The following PADI1 variants were observed in gnomAD, a reference collection of about 807,000 sequenced individuals.
PADI1 encodes protein-arginine deiminase type-1.
PADI1 carries 65 observed loss-of-function variants against 74.8 expected under a neutral mutation model. The observed-to-expected ratio is 0.87, with a 90% CI of 0.71 to 1.07. PADI1 has a LOEUF of 1.07. PADI1 is among the 50% of genes least tolerant of loss of function. The pLI, the probability that PADI1 is intolerant of heterozygous loss-of-function variation, is 0.00. For missense variants in PADI1, 943 were observed against 854.0 expected (o/e 1.10, Z -1.30); for synonymous variants, 371 against 336.2 (o/e 1.10, Z -1.13).
At chr1:17,239,830 AG>A (rs752721622) in intron 14 of PADI1, 47 bp downstream of exon 14, 1 of 1,448,292 alleles carries the variant, frequency 6.9e-7, no homozygotes, top group Non-Finnish European at 9.6e-7. Context: ...TTTCCCTTCC[AG>A]GGAGAAGAAG....
chr1:17,221,229 C>T (rs560059089), intron 1 of PADI1, among the ~76,000 whole-genome samples: 18 of 152,276 alleles, frequency 1.2e-4, no homozygotes, highest in African/African-American at 3.9e-4. Context: ...TTCATTCACA[C>T]GTGTTTATTG....
At chr1:17,237,268 G>C in intron 11 of PADI1, 46 bp from the exon 12 acceptor site, 1 of 1,551,584 alleles carries the variant, frequency 6.4e-7, no homozygotes, top group South Asian at 1.2e-5. Flanking sequence ...AAGGCCTGAT[G>C]CCTCTCAGGC....
intron 12 of PADI1, 58 bp downstream of exon 12, chr1:17,237,516 G>A: frequency 6.7e-7 from 1 of 1,501,906 alleles, no homozygotes; most frequent in Non-Finnish European, 9.0e-7. Flanking sequence ...CTGATGGGAT[G>A]AGTCAGGGCA....
At position 17,240,725 on chromosome 1, in the gene PADI1, A is replaced by G; in HGVS notation, c.1723A>G (p.Lys575Glu). ...IVDIPQLFFL[K>E]NFYAEAFFPD... is the part of the protein sequence containing the mutation. ...GGACATTCCCCAGCTCTTCTTCCTG[A>G]AAAACTTCTACGCGGAAGCCTTCTT... is the stretch of plus-strand genomic sequence containing the variant. Residue 575 changes from lysine to glutamate, a missense_variant, in exon 15 of 16, where the codon AAA becomes GAA. By Grantham distance (56) the Lys-to-Glu change is moderately conservative. Transcript: ENST00000375471. The G allele has an allele frequency of 6.2e-7, 1 of 1,614,088 alleles. No homozygotes were observed. Among genetic ancestry groups the G allele is most frequent in the Non-Finnish European group, 8.5e-7 (1 of 1,179,944 alleles).
At chr1:17,241,391 GA>G (rs2072773716) in intron 15 of PADI1, among the ~76,000 whole-genome samples, 1 of 152,282 alleles carries the variant, frequency 6.6e-6, no homozygotes, top group Non-Finnish European at 1.5e-5. Flanking sequence ...CCGGGATGGG[GA>G]TAGACCCTCT....
rs144156500 is a variant in PADI1 at position 17,224,401 on chromosome 1, C to A, written c.381C>A (p.Gly127=). The A allele has an allele frequency of 2.5e-6, 4 of 1,613,982 alleles. No homozygotes were observed. The South Asian group carries it at 4.4e-5, about 18-fold the overall frequency. ...ISLEVDTGRT[G]KVKRSQGDKK... ...TTGAGGTTGACACAGGCCGCACAGGCAAGGTGAAGAGGAGCCAAGGGGACA... is the reference window on the plus strand; with the variant it reads ...TTGAGGTTGACACAGGCCGCACAGGAAAGGTGAAGAGGAGCCAAGGGGACA... Residue 127 remains glycine, a synonymous_variant, in exon 4 of 16, where the codon GGC becomes GGA. Transcript: ENST00000375471.
At chr1:17,219,132 G>T (rs78942471) in intron 1 of PADI1, among the ~76,000 whole-genome samples, 15 of 152,220 alleles carry the variant, frequency 9.9e-5, no homozygotes, top group Admixed American at 3.3e-4. Context: ...AGGTGCAGAG[G>T]GGGTGGAGAG....
chr1:17,240,174 G>A (rs1557484779), intron 14 of PADI1: 1 of 258,564 alleles, frequency 3.9e-6, no homozygotes, highest in African/African-American at 2.2e-5. Context: ...GTGAAGCAAG[G>A]TGTCAGGAAG....
chr1:17,233,956 G>A (rs1418753564), intron 11 of PADI1, among the ~76,000 whole-genome samples: 3 of 152,228 alleles, frequency 2.0e-5, no homozygotes, highest in Non-Finnish European at 4.4e-5. Context: ...CACCCTGTTG[G>A]TGACTCATGC....
Position 17,224,486 on chromosome 1 carries a change from C to T in PADI1, c.408+58C>T, listed in dbSNP as rs142867636. 9.8e-6 allele frequency: 13 copies of T among 1,326,464 alleles called. No homozygotes were observed. The East Asian group carries it at 1.2e-4, about 12-fold the overall frequency. The allele number at this position is 1,326,464 out of a possible 1,614,324, so 82.2% of individuals were successfully genotyped here. On this transcript the variant is annotated intron_variant, in intron 4 of 15. Transcript: ENST00000375471. Reference sequence around the variant, plus strand: ...GGTTGAAAGGCAAACTTGGGGTGGTCCCGGGTGGATTGTGCCCTCCCTCCA... The same window carrying T: ...GGTTGAAAGGCAAACTTGGGGTGGTTCCGGGTGGATTGTGCCCTCCCTCCA...
At chr1:17,205,380 T>A in intron 1 of PADI1, 71 bp downstream of exon 1, 2 of 1,217,594 alleles carry the variant, frequency 1.6e-6, no homozygotes, top group South Asian at 1.2e-5. Context: ...GGTGGGTGCC[T>A]GGTAGACAAG....
intron 6 of PADI1, among the ~76,000 whole-genome samples, chr1:17,226,558 CCGGGCCCTG>C (rs1399515085): frequency 2.0e-5 from 3 of 152,150 alleles, no homozygotes; most frequent in African/African-American, 7.2e-5. Context: ...AGGCTGAGGC[CCGGGCCCTG>C]CCTCTGGCCC....
chr1:17,216,214 G>A (rs954789350), intron 1 of PADI1, among the ~76,000 whole-genome samples: 11 of 152,284 alleles, frequency 7.2e-5, no homozygotes, highest in African/African-American at 2.6e-4. Flanking sequence ...GATGCAACGG[G>A]ACTTCTATTT....
Position 17,228,739 on chromosome 1 carries a change from TC to T in PADI1, c.771del (p.Asp258MetfsTer5), listed in dbSNP as rs1243250804. 6.2e-7 allele frequency: 1 copy of T among 1,614,044 alleles called. No individual in the cohort carries two copies. The highest frequency in any genetic ancestry group is 8.5e-7 in the Non-Finnish European group (1 of 1,180,030). On this transcript the variant is annotated frameshift_variant, in exon 7 of 16. Transcript: ENST00000375471. LOFTEE classifies it high-confidence loss of function. ...AAGTTCTATGTGGAGGGGCTGACCTTCCCCGATGCCGATTTCCTAGGGCTGG... is the reference window on the plus strand; with the variant it reads ...AAGTTCTATGTGGAGGGGCTGACCTTCCCGATGCCGATTTCCTAGGGCTGG... ...EIKFYVEGLT[F>X]PDADFLGLVS... is the part of the protein sequence containing the mutation.
intron 1 of PADI1, among the ~76,000 whole-genome samples, chr1:17,221,241 G>A (rs1482252696): frequency 9.2e-5 from 14 of 152,136 alleles, no homozygotes. Context: ...TGTTTATTGG[G>A]CACCTACACC....
rs769295263 is a variant in PADI1 at position 17,232,860 on chromosome 1, T to C, written c.1203T>C (p.Pro401=). The C allele has an allele frequency of 1.3e-5, 21 of 1,613,434 alleles. No individual in the cohort carries two copies. Among genetic ancestry groups the C allele is most frequent in the African/African-American group, 5.3e-5 (4 of 74,862 alleles). ...FGYVTREIPL[P]GPSSLDSFGN... The stretch of plus-strand genomic sequence containing the variant: ...ATGTTACCCGGGAGATCCCGCTCCC[T>C]GGTCCCTCCAGCCTTGACTCCTTCG... Residue 401 remains proline, a synonymous_variant, in exon 11 of 16, where the codon CCT becomes CCC. Transcript: ENST00000375471.
At chr1:17,213,454 C>A (rs182066871) in intron 1 of PADI1, among the ~76,000 whole-genome samples, 1 of 152,328 alleles carries the variant, frequency 6.6e-6, no homozygotes, top group Non-Finnish European at 1.5e-5. Context: ...GTCGGCTTCA[C>A]CCCAGAGAGA....
chr1:17,231,618 G>C (rs2072492480), intron 10 of PADI1, among the ~76,000 whole-genome samples: 1 of 152,180 alleles, frequency 6.6e-6, no homozygotes, highest in South Asian at 2.1e-4. Context: ...CCTGCCCCGG[G>C]CTTGGCCTGT....
At chr1:17,217,203 G>A (rs748558311) in intron 1 of PADI1, among the ~76,000 whole-genome samples, 7 of 152,128 alleles carry the variant, frequency 4.6e-5, no homozygotes, top group Non-Finnish European at 7.4e-5. Context: ...GGGGTGGGGC[G>A]GAACCACACA....
Sources: gnomAD v4.1 joint callset for allele counts (sites outside exome capture counted in the v4.1 genomes callset) on GRCh38, gnomAD v4.1.1 for gene constraint, MANE v1.5 for transcripts, NCBI Gene and HGNC (gene_info 2026-07-23, HGNC 2026-07-21) for gene names.